Variants in FRMD8 observed in about 807,000 individuals in gnomAD.
FRMD8 encodes FERM domain-containing protein 8.
FRMD8 carries 37 observed loss-of-function variants against 54.2 expected under a neutral mutation model. That is an observed-to-expected ratio of 0.68 (90% CI 0.53 to 0.90). The LOEUF (loss-of-function observed/expected upper bound fraction) is 0.90. FRMD8 is among the 40% of genes least tolerant of loss of function. The pLI, the probability that FRMD8 is intolerant of heterozygous loss-of-function variation, is 0.00. For synonymous variants in FRMD8, 246 were observed against 286.9 expected, an observed-to-expected ratio of 0.86 and a Z score of 1.44; for missense variants, 585 against 653.7, an observed-to-expected ratio of 0.89 and a Z score of 1.15.
chr11:65,378,829 T>G, the FRMD8 span: 1 of 154,976 alleles, frequency 6.5e-6, no homozygotes, highest in Non-Finnish European at 1.4e-5. Flanking sequence ...CATCCACCCC[T>G]CTAAAGCCCA....
intron 7 of FRMD8, among the ~76,000 whole-genome samples, chr11:65,398,621 G>A (rs1424514156): frequency 2.0e-5 from 3 of 152,354 alleles, no homozygotes; most frequent in African/African-American, 7.2e-5. Context: ...GAGACAGTGA[G>A]TGTGACCAGC....
At chr11:65,392,787 C>A (rs1855870060) in intron 3 of FRMD8, among the ~76,000 whole-genome samples, 1 of 152,022 alleles carries the variant, frequency 6.6e-6, no homozygotes, top group African/African-American at 2.4e-5. Flanking sequence ...AGATGTGGCA[C>A]CATTGGGGTG....
intron 10 of FRMD8, among the ~76,000 whole-genome samples, chr11:65,409,344 C>T (rs1856279020): frequency 6.6e-6 from 1 of 152,078 alleles, no homozygotes; most frequent in African/African-American, 2.4e-5. Context: ...GCCTCAGCCT[C>T]CTGAAGTGCT....
the FRMD8 span, among the ~76,000 whole-genome samples, chr11:65,369,061 G>A: frequency 6.6e-6 from 1 of 152,122 alleles, no homozygotes; most frequent in African/African-American, 2.4e-5. Context: ...GCAGCATCTG[G>A]GCAACATAGT....
chr11:65,411,096 G>A (rs115820874), intron 10 of FRMD8, 146 bp from the exon 11 acceptor site: 660 of 603,028 alleles, frequency 1.1e-3, no homozygotes, highest in African/African-American at 0.01. Context: ...ATGCTGAGCG[G>A]GGCTGAGGCT....
chr11:65,398,519 C>T (rs995407700), intron 7 of FRMD8, among the ~76,000 whole-genome samples: 3 of 152,220 alleles, frequency 2.0e-5, no homozygotes, highest in East Asian at 1.9e-4. Flanking sequence ...GGGCTCTACC[C>T]GCAGCAGCTC....
intron 6 of FRMD8, among the ~76,000 whole-genome samples, chr11:65,396,564 C>T (rs1404502687): frequency 6.6e-6 from 1 of 152,192 alleles, no homozygotes; most frequent in East Asian, 1.9e-4. Flanking sequence ...AGCTGTACAG[C>T]TGCTCTCGGC....
chr11:65,380,150 G>T, the FRMD8 span: 2 of 1,614,190 alleles, frequency 1.2e-6, no homozygotes, highest in Non-Finnish European at 8.5e-7. Context: ...TGTCAAACGG[G>T]TGTCCCAGGA....
chr11:65,397,469 A>G (rs1329439823), intron 7 of FRMD8, among the ~76,000 whole-genome samples: 10 of 152,232 alleles, frequency 6.6e-5, no homozygotes, highest in African/African-American at 9.6e-5. Flanking sequence ...GTCATTGGGC[A>G]CAGGCGGCAG....
chr11:65,386,241 TCTC>T (rs913162680), upstream of FRMD8, among the ~76,000 whole-genome samples: 1 of 152,022 alleles, frequency 6.6e-6, no homozygotes, highest in African/African-American at 2.4e-5. Context: ...CAGGACTCAT[TCTC>T]CTGACCACTG....
At chr11:65,382,245 A>G, upstream of FRMD8, 1 of 497,838 alleles carries the variant, frequency 2.0e-6, no homozygotes, top group Non-Finnish European at 3.7e-6. This position sits in a 1 kb window ranked among gnomAD's most constrained non-coding sequence, Gnocchi z 4.4. Flanking sequence ...TGAGGATGGC[A>G]ACTGGGTTCC....
the FRMD8 span, chr11:65,379,232 T>A: frequency 1.1e-6 from 1 of 914,740 alleles, no homozygotes. Flanking sequence ...GCCTGCAGCC[T>A]GGAAGGCCAT....
chr11:65,409,629 G>C (rs1338239559), intron 10 of FRMD8, among the ~76,000 whole-genome samples: 1 of 152,054 alleles, frequency 6.6e-6, no homozygotes, highest in Non-Finnish European at 1.5e-5. Context: ...AGCAGGGCAT[G>C]GTGGCTCACG....
chr11:65,376,887 T>C, the FRMD8 span: 1 of 1,614,176 alleles, frequency 6.2e-7, no homozygotes, highest in Non-Finnish European at 8.5e-7. Flanking sequence ...ATCCCCACCG[T>C]GGGGGTGTCC....
chr11:65,412,021 A>C lies in FRMD8; in HGVS notation c.*661A>C, dbSNP rs1480008692. On this transcript the variant is annotated 3_prime_UTR_variant, in exon 11 of 11. Transcript: ENST00000317568. ...GAATCAGGAATGGAGGGAGCCAGGC[A>C]GGGCCCTACCTGGGGTCCTGTGCCC... The C allele has an allele frequency of 1.3e-5, 2 of 152,188 alleles. No homozygotes were observed. The highest frequency in any genetic ancestry group is 1.3e-4 in the Admixed American group (2 of 15,278). 9.4% of individuals were successfully genotyped at this position (152,188 alleles called of 1,614,324 possible).
chr11:65,376,379 TG>T, the FRMD8 span: 7 of 1,605,438 alleles, frequency 4.4e-6, no homozygotes, highest in Non-Finnish European at 6.0e-6. Flanking sequence ...GTGGGCCTGA[TG>T]GGGAGCTGCT....
Position 65,394,908 on chromosome 11 carries a change from C to T in FRMD8, c.581+483C>T, listed in dbSNP as rs536851742. ...GAGTCTGCCCTGCCAAAGCCCAGGC[C>T]GGTCTCTGGTCTCCATGGAGGATTA... On this transcript the variant is annotated intron_variant, in intron 6 of 10. Transcript: ENST00000317568. Among the ~76,000 whole-genome samples the T allele has an allele frequency of 4.9e-4, 74 of 152,320 alleles. No homozygotes were observed. In the South Asian group the frequency reaches 0.013, roughly 28 times the overall value.
chr11:65,389,227 G>C (rs1855791006), intron 2 of FRMD8, 134 bp from the exon 3 acceptor site: 2 of 792,826 alleles, frequency 2.5e-6, no homozygotes, highest in Non-Finnish European at 4.1e-6. Flanking sequence ...TGTCTCAGGA[G>C]CGTAGCCCTG....
rs1856149229 is a variant in FRMD8, at chr11:65,404,554, G to A, written c.1072-310G>A. The stretch of plus-strand genomic sequence containing the variant: ...ACTCTTCGTCCTCTCTGCAGCAGCT[G>A]GCTCCCTACCCCCTCCCTCCCCACC... On this transcript the variant is annotated intron_variant, in intron 9 of 10. Coordinates refer to ENST00000317568, the MANE Select transcript of FRMD8 (RefSeq NM_031904.5). This position sits in a 1 kb window ranked among gnomAD's most constrained non-coding sequence, Gnocchi z 4.7. Among the ~76,000 whole-genome samples the A allele has an allele frequency of 7.0e-6, 1 of 142,904 alleles. No individual in the cohort carries two copies. The highest frequency in any genetic ancestry group is 2.6e-5 in the African/African-American group (1 of 37,944). The allele number at this position is 142,904 out of a possible 152,430, so 93.8% of individuals were successfully genotyped here. A position where few individuals can be genotyped will look rare whatever the true frequency, so the allele number is the denominator to read the frequency against.
Sources: gnomAD v4.1 joint callset for allele counts (sites outside exome capture counted in the v4.1 genomes callset) on GRCh38, gnomAD v4.1.1 for gene constraint, Gnocchi (gnomAD v3.1) non-coding constraint, MANE v1.5 for transcripts, NCBI Gene and HGNC (gene_info 2026-07-23, HGNC 2026-07-21) for gene names.